Variants in PDE11A observed in about 807,000 individuals in gnomAD.
PDE11A encodes dual 3',5'-cyclic-AMP and -GMP phosphodiesterase 11A.
Under a neutral mutation model 100.5 loss-of-function variants are expected in PDE11A, and 100 were observed. The observed-to-expected ratio is 1.00, with a 90% CI of 0.85 to 1.18. PDE11A has a LOEUF of 1.18. PDE11A is among the 50% of genes most tolerant of loss of function. PDE11A has a pLI of 0.00. For synonymous variants in PDE11A, 381 were observed against 420.8 expected, an observed-to-expected ratio of 0.91 and a Z score of 1.16; for missense variants, 1,141 against 1,152.6, an observed-to-expected ratio of 0.99 and a Z score of 0.15.
At chr2:177,819,281 T>C (rs536516162) in intron 7 of PDE11A, among the ~76,000 whole-genome samples, 1 of 152,172 alleles carries the variant, frequency 6.6e-6, no homozygotes, top group African/African-American at 2.4e-5. Flanking sequence ...AGAATTCATA[T>C]CTTAAAAACA....
chr2:178,019,007 A>C (rs1444128147), intron 1 of PDE11A, among the ~76,000 whole-genome samples: 1 of 152,250 alleles, frequency 6.6e-6, no homozygotes, highest in Non-Finnish European at 1.5e-5. Context: ...CCAATCTCTT[A>C]AACAGAATTC....
chr2:177,886,085 T>C (rs1304211644), intron 4 of PDE11A, among the ~76,000 whole-genome samples: 1 of 151,988 alleles, frequency 6.6e-6, no homozygotes, highest in African/African-American at 2.4e-5. Flanking sequence ...CACACAAAAA[T>C]AAATAGAAAT....
intron 2 of PDE11A, among the ~76,000 whole-genome samples, chr2:177,959,897 A>G (rs529002468): frequency 6.6e-6 from 1 of 152,270 alleles, no homozygotes; most frequent in African/African-American, 2.4e-5. Flanking sequence ...ATACTGGTTA[A>G]TGTTTATGAT....
rs1214147269 is a variant in PDE11A, at chr2:177,627,075, C to T, written c.*2332G>A. The T allele has an allele frequency of 9.0e-6, 1 of 110,832 alleles. No homozygotes were observed. Among genetic ancestry groups the T allele is most frequent in the African/African-American group, 3.6e-5 (1 of 27,404 alleles). The allele number at this position is 110,832 out of a possible 1,614,324, so 6.9% of individuals were successfully genotyped here. ...TTTGAGACGGAGTCTCGCTGGTCGC[C>T]CAGGCTGGAGGGCAGTGACGTGATC... On this transcript the variant is annotated 3_prime_UTR_variant, in exon 20 of 20. Transcript: ENST00000286063.
chr2:177,698,935 G>A (rs2081157589), intron 14 of PDE11A, among the ~76,000 whole-genome samples: 1 of 152,136 alleles, frequency 6.6e-6, no homozygotes, highest in African/African-American at 2.4e-5. Flanking sequence ...TGGGTCCAGC[G>A]ATGCACCCAG....
chr2:177,660,584 TCAATGTAGTAAAAAATTGAGTGGAA>T (rs2080472088), intron 19 of PDE11A, among the ~76,000 whole-genome samples: 1 of 152,236 alleles, frequency 6.6e-6, no homozygotes, highest in Admixed American at 6.5e-5. Context: ...TTGTTTTCCC[TCAATGTAGTAAAAAATTGAGTGGAA>T]CTTGAAGCTA....
At chr2:177,964,781 TTTAAG>T (rs1215351285) in intron 2 of PDE11A, among the ~76,000 whole-genome samples, 1 of 152,178 alleles carries the variant, frequency 6.6e-6, no homozygotes, top group Non-Finnish European at 1.5e-5. Context: ...CTGATGGACA[TTTAAG>T]TTGATTCTGT....
intron 19 of PDE11A, among the ~76,000 whole-genome samples, chr2:177,656,294 C>G (rs1202286712): frequency 1.3e-5 from 2 of 152,160 alleles, no homozygotes; most frequent in African/African-American, 4.8e-5. Context: ...CATTGTGATA[C>G]AATTGCTTAC....
chr2:177,865,425 A>G (rs1361902579), intron 5 of PDE11A, among the ~76,000 whole-genome samples: 1 of 152,244 alleles, frequency 6.6e-6, no homozygotes, highest in African/African-American at 2.4e-5. Context: ...GTAAAATGGT[A>G]TAGCTACTGT....
chr2:177,958,076 A>T (rs1309229446), intron 2 of PDE11A, among the ~76,000 whole-genome samples: 2 of 151,918 alleles, frequency 1.3e-5, no homozygotes, highest in African/African-American at 4.8e-5. Context: ...TTTTTAGTAG[A>T]CACGGGGTTT....
At chr2:177,721,072 A>T (rs2081519628) in intron 12 of PDE11A, among the ~76,000 whole-genome samples, 2 of 152,142 alleles carry the variant, frequency 1.3e-5, no homozygotes, top group Non-Finnish European at 2.9e-5. Context: ...TAACTTTATT[A>T]TTATATTCTA....
chr2:177,673,941 C>T (rs1445668187), intron 17 of PDE11A, among the ~76,000 whole-genome samples: 1 of 152,148 alleles, frequency 6.6e-6, no homozygotes, highest in African/African-American at 2.4e-5. Context: ...AGCCCCAATA[C>T]AGAATAAGGA....
intron 2 of PDE11A, among the ~76,000 whole-genome samples, chr2:177,982,045 T>C (rs2085889683): frequency 6.6e-6 from 1 of 151,088 alleles, no homozygotes; most frequent in Non-Finnish European, 1.5e-5. Context: ...AGAAAGGGCA[T>C]GTATCCTTAC....
At chr2:177,767,150 T>C (rs1483624057) in intron 10 of PDE11A, among the ~76,000 whole-genome samples, 2 of 152,080 alleles carry the variant, frequency 1.3e-5, no homozygotes, top group Non-Finnish European at 2.9e-5. Context: ...ACCAACATGG[T>C]GAAACCCCGT....
chr2:177,991,275 G>C (rs951999825), intron 2 of PDE11A, among the ~76,000 whole-genome samples: 3 of 150,480 alleles, frequency 2.0e-5, no homozygotes, highest in African/African-American at 7.4e-5. Context: ...AGGTTGCAGT[G>C]AGCCAAGATT....
At chr2:177,954,994 C>T (rs576159834) in intron 2 of PDE11A, among the ~76,000 whole-genome samples, 1 of 152,264 alleles carries the variant, frequency 6.6e-6, no homozygotes, top group African/African-American at 2.4e-5. Flanking sequence ...TTCTCCTAAC[C>T]TACCACATCA....
At chr2:177,849,968 T>C (rs1321094143) in intron 5 of PDE11A, among the ~76,000 whole-genome samples, 3 of 152,126 alleles carry the variant, frequency 2.0e-5, no homozygotes, top group African/African-American at 7.2e-5. Flanking sequence ...CCCAAGGTAA[T>C]TTATAGATTC....
intron 4 of PDE11A, among the ~76,000 whole-genome samples, chr2:177,895,085 A>G (rs1271050979): frequency 6.6e-6 from 1 of 152,100 alleles, no homozygotes; most frequent in Non-Finnish European, 1.5e-5. Flanking sequence ...GTTTACCTAT[A>G]TAACAAACTT....
At chr2:177,903,406 T>C (rs998123891) in intron 3 of PDE11A, among the ~76,000 whole-genome samples, 1 of 152,222 alleles carries the variant, frequency 6.6e-6, no homozygotes, top group African/African-American at 2.4e-5. Context: ...TACTATGCAA[T>C]TTAAAAAAAT....
Sources: allele counts gnomAD v4.1 joint callset (sites outside exome capture counted in the v4.1 genomes callset), GRCh38; gene constraint gnomAD v4.1.1; transcripts MANE v1.5; gene names NCBI Gene and HGNC (gene_info 2026-07-23, HGNC 2026-07-21).